STPG2: variants seen among roughly 807,000 people sequenced by gnomAD.
The protein encoded by STPG2 is sperm tail PG-rich repeat containing 2.
In STPG2, 56 loss-of-function variants were observed where a neutral mutation model predicts 54.2. The observed-to-expected ratio is 1.03, with a 90% CI of 0.83 to 1.29. The LOEUF (loss-of-function observed/expected upper bound fraction) is 1.29. Among genes scored for constraint, STPG2 ranks in the 50% most tolerant of loss-of-function variants. STPG2 has a pLI of 0.00. For missense variants in STPG2, 596 were observed against 544.9 expected (o/e 1.09, Z -0.93); for synonymous variants, 200 against 181.8 (o/e 1.10, Z -0.81).
rs192338382 is a variant in STPG2 at position 97,799,600 on chromosome 4, C to A, written c.1204+41173G>T. ...TTTGTGGGTAACCCGACCTTTCTCTCTGGCTGCCCTTAACATTTTTTCCTC... is the reference window on the plus strand; with the variant it reads ...TTTGTGGGTAACCCGACCTTTCTCTATGGCTGCCCTTAACATTTTTTCCTC... On this transcript the variant is annotated intron_variant, in intron 9 of 10. Coordinates refer to ENST00000295268, the MANE Select transcript of STPG2 (RefSeq NM_174952.3). Among the ~76,000 whole-genome samples, 153 of 152,340 alleles carry A rather than the reference C, an allele frequency of 1.0e-3. 3 individuals carry two copies. The South Asian group carries it at 0.03, about 30-fold the overall frequency.
chr4:97,787,625 C>T (rs138898008), intron 9 of STPG2, among the ~76,000 whole-genome samples: 294 of 151,986 alleles, frequency 1.9e-3, no homozygotes, highest in African/African-American at 7.0e-3. Flanking sequence ...TCAGGAAATG[C>T]TGGCCTCATT....
At chr4:97,983,848 T>A (rs1011249719) in intron 5 of STPG2, among the ~76,000 whole-genome samples, 1 of 152,156 alleles carries the variant, frequency 6.6e-6, no homozygotes, top group African/African-American at 2.4e-5. Flanking sequence ...TATACACTCA[T>A]ACATAGACAT....
intron 3 of STPG2, among the ~76,000 whole-genome samples, chr4:98,112,133 T>G (rs1739381251): frequency 6.6e-6 from 1 of 152,048 alleles, no homozygotes; most frequent in South Asian, 2.1e-4. Flanking sequence ...CCATCTCACA[T>G]ATATAGTTAT....
intron 4 of STPG2, among the ~76,000 whole-genome samples, chr4:97,524,382 T>G (rs1408071990): frequency 2.0e-5 from 3 of 151,930 alleles, no homozygotes. Context: ...GTACAAATAT[T>G]TATAGTGCTA....
chr4:97,449,222 T>C (rs1271948676), intron 4 of STPG2, among the ~76,000 whole-genome samples: 2 of 152,198 alleles, frequency 1.3e-5, no homozygotes, highest in Non-Finnish European at 1.5e-5. Context: ...TGTACATTTT[T>C]GCATGTATTA....
intron 9 of STPG2, among the ~76,000 whole-genome samples, chr4:97,721,636 C>G (rs567295559): frequency 6.6e-6 from 1 of 151,612 alleles, no homozygotes; most frequent in African/African-American, 2.4e-5. Flanking sequence ...ATATGATGAC[C>G]GAAAGCTTAG....
At chr4:97,786,617 G>C (rs1387212375) in intron 9 of STPG2, among the ~76,000 whole-genome samples, 1 of 152,070 alleles carries the variant, frequency 6.6e-6, no homozygotes, top group Non-Finnish European at 1.5e-5. Flanking sequence ...GGAGTAGGGT[G>C]AAAGAGTTTA....
chr4:97,735,620 CAT>C (rs151020349), intron 9 of STPG2, among the ~76,000 whole-genome samples: 1 of 147,910 alleles, frequency 6.8e-6, no homozygotes, highest in South Asian at 2.1e-4. Context: ...CATTTATATT[CAT>C]ATATATATAC....
chr4:97,878,739 C>T (rs527818311), intron 8 of STPG2, among the ~76,000 whole-genome samples: 1 of 152,270 alleles, frequency 6.6e-6, no homozygotes, highest in East Asian at 1.9e-4. Context: ...AGACATTTTC[C>T]CCATTATCCT....
At chr4:97,454,408 G>A (rs1184654411) in intron 4 of STPG2, among the ~76,000 whole-genome samples, 5 of 149,908 alleles carry the variant, frequency 3.3e-5, no homozygotes, top group African/African-American at 7.3e-5. Context: ...AGCTACTCGG[G>A]AGGCTGAGGC....
chr4:97,445,304 T>A (rs1458849537), intron 4 of STPG2, among the ~76,000 whole-genome samples: 1 of 152,174 alleles, frequency 6.6e-6, no homozygotes, highest in Non-Finnish European at 1.5e-5. Flanking sequence ...AAATTGACAT[T>A]ATTGTACACA....
At chr4:97,985,959 C>T (rs1026188554) in intron 5 of STPG2, among the ~76,000 whole-genome samples, 1 of 145,118 alleles carries the variant, frequency 6.9e-6, no homozygotes, top group African/African-American at 2.5e-5. Flanking sequence ...AACACACACA[C>T]ACACACACAC....
chr4:97,577,878 T>C (rs1479052351), intron 10 of STPG2, among the ~76,000 whole-genome samples: 1 of 152,258 alleles, frequency 6.6e-6, no homozygotes, highest in Non-Finnish European at 1.5e-5. Context: ...CAGTAATGTA[T>C]ACAATACAGT....
chr4:97,889,177 G>C (rs944890952), intron 8 of STPG2, among the ~76,000 whole-genome samples: 1 of 152,200 alleles, frequency 6.6e-6, no homozygotes, highest in Non-Finnish European at 1.5e-5. Context: ...AAGACACTAA[G>C]TGTTTGCAAG....
chr4:98,068,932 A>G (rs377271143), intron 5 of STPG2, among the ~76,000 whole-genome samples: 2 of 152,104 alleles, frequency 1.3e-5, no homozygotes, highest in East Asian at 1.9e-4. Flanking sequence ...CAGTAAAAAT[A>G]CAGTATTATA....
Position 97,470,424 on chromosome 4 carries a change from T to G in STPG2, c.462+242275A>C, listed in dbSNP as rs909268944. 4.9e-4 allele frequency among the ~76,000 whole-genome samples: 75 copies of G among 152,214 alleles called. 1 individual carries two copies. The highest frequency in any genetic ancestry group is 4.8e-3 in the Admixed American group (74 of 15,278). On this transcript the variant is annotated intron_variant, in intron 4 of 4. Coordinates refer to the STPG2 transcript ENST00000522676. Reference sequence around the variant, plus strand: ...ATTATATATTTTTCCTAAAATATATTATACTAGCTTTCAAAATACATTATA... The same window carrying G: ...ATTATATATTTTTCCTAAAATATATGATACTAGCTTTCAAAATACATTATA...
intron 8 of STPG2, chr4:97,916,934 C>G (rs1307870803): frequency 6.5e-6 from 1 of 152,744 alleles, no homozygotes; most frequent in Non-Finnish European, 1.5e-5. Flanking sequence ...TGGGCCGATG[C>G]TCAAGAGCAA....
chr4:97,635,719 C>T (rs538507475), intron 10 of STPG2, among the ~76,000 whole-genome samples: 2 of 119,006 alleles, frequency 1.7e-5, no homozygotes, highest in East Asian at 2.5e-4. Flanking sequence ...GACTTTAAAC[C>T]AACAAAGATC....
At chr4:98,099,796 AC>A (rs1261881749) in intron 5 of STPG2, among the ~76,000 whole-genome samples, 1 of 152,100 alleles carries the variant, frequency 6.6e-6, no homozygotes, top group Non-Finnish European at 1.5e-5. Context: ...ATTCTAAAAA[AC>A]TTTTTTTAAT....
Sources: gnomAD v4.1 joint callset for allele counts (sites outside exome capture counted in the v4.1 genomes callset) on GRCh38, gnomAD v4.1.1 for gene constraint, MANE v1.5 for transcripts, NCBI Gene and HGNC (gene_info 2026-07-23, HGNC 2026-07-21) for gene names.